The following NEMF variants were observed in gnomAD, a reference collection of about 807,000 sequenced individuals.
The protein encoded by NEMF is ribosome quality control complex subunit NEMF.
A neutral mutation model predicts 162.2 loss-of-function variants in NEMF; 89 were observed. The ratio of observed to expected loss-of-function variants is 0.55; its 90% CI spans 0.46 to 0.65. The LOEUF is 0.65. NEMF is among the 30% of genes least tolerant of loss of function. The pLI is 0.00. For synonymous variants in NEMF, 421 were observed against 404.5 expected (o/e 1.04, Z -0.49); for missense variants, 1,133 against 1,261.9 (o/e 0.90, Z 1.55).
At chr14:49,791,433 T>C (rs1890443029) in intron 26 of NEMF, among the ~76,000 whole-genome samples, 1 of 151,292 alleles carries the variant, frequency 6.6e-6, no homozygotes, top group African/African-American at 2.4e-5. Context: ...TTCACAGATG[T>C]GTGTGCTTAT....
chr14:49,791,495 T>A (rs1890446112), intron 26 of NEMF, among the ~76,000 whole-genome samples: 1 of 151,696 alleles, frequency 6.6e-6, no homozygotes, highest in African/African-American at 2.4e-5. Flanking sequence ...TCCCAGCACT[T>A]TGGGAGGCCG....
At chr14:49,846,388 TATAGTC>T (rs1419279686) in intron 3 of NEMF, 123 bp from the exon 4 acceptor site, 9 of 855,804 alleles carry the variant, frequency 1.1e-5, no homozygotes, top group African/African-American at 8.5e-5. Context: ...TGAATAACAG[TATAGTC>T]ATAAAGTAAT....
chr14:49,851,828 G>C lies in NEMF; in HGVS notation c.107C>G (p.Thr36Arg). Residue 36 changes from threonine (T) to arginine (R), a missense_variant, in exon 2 of 33, where the codon ACA becomes AGA. Thr to Arg is a moderately conservative substitution (Grantham distance 71, BLOSUM62 -1). Transcript: ENST00000298310. ...TTACTTTTGAAGACGAATAAGGTAT[G>C]TCTTATTATCCACATCATAAACATT... ...VNNVYDVDNK[T>R]YLIRLQKPDF... The C allele has an allele frequency of 6.3e-7, 1 of 1,577,946 alleles. No homozygotes were observed.
chr14:49,831,458 GACAGAGTCTC>G, intron 10 of NEMF, 97 bp from the exon 11 acceptor site: 1 of 776,706 alleles, frequency 1.3e-6, no homozygotes, highest in Non-Finnish European at 2.1e-6. Flanking sequence ...TTTTTTTTGA[GACAGAGTCTC>G]ACTCTGTTGC....
At chr14:49,843,618 C>G (rs1299181617) in intron 4 of NEMF, among the ~76,000 whole-genome samples, 1 of 152,224 alleles carries the variant, frequency 6.6e-6, no homozygotes, top group Non-Finnish European at 1.5e-5. Flanking sequence ...ATAGAGTATA[C>G]TTACACAAAC....
intron 22 of NEMF, 37 bp downstream of exon 22, chr14:49,802,416 A>C (rs568197091): frequency 1.2e-6 from 2 of 1,603,014 alleles, no homozygotes; most frequent in Non-Finnish European, 1.7e-6. Context: ...GGTAACAAAA[A>C]ACATCACAAG....
chr14:49,833,976 C>T (rs1892769292), intron 7 of NEMF: 1 of 296,164 alleles, frequency 3.4e-6, no homozygotes, highest in South Asian at 3.5e-5. Flanking sequence ...AAAAACAAAA[C>T]ACCACCACCA....
At chr14:49,840,519 G>T (rs1333177186) in intron 5 of NEMF, among the ~76,000 whole-genome samples, 199 bp downstream of exon 5, 2 of 150,658 alleles carry the variant, frequency 1.3e-5, no homozygotes, top group Non-Finnish European at 2.9e-5. Flanking sequence ...AGACTTAATT[G>T]CTTACATGCA....
chr14:49,829,529 T>C, intron 11 of NEMF, 103 bp from the exon 12 acceptor site: 1 of 935,460 alleles, frequency 1.1e-6, no homozygotes, highest in Admixed American at 2.3e-5. Flanking sequence ...ATCTATGCTG[T>C]TATCTAGCTA....
rs370230175 is a variant in NEMF at position 49,799,467 on chromosome 14, G to C, written c.2465+8C>G. 1.6e-5 allele frequency: 25 copies of C among 1,602,368 alleles called. No individual in the cohort carries two copies. In the East Asian group the frequency reaches 5.6e-4, roughly 36 times the overall value. On this transcript the variant is annotated splice_region_variant and intron_variant, in intron 25 of 32. Coordinates refer to ENST00000298310, the MANE Select transcript of NEMF (RefSeq NM_004713.6). Reference sequence around the variant, plus strand: ...TGCTTTTTAGTTAATTAACACAGATGTGTTTACCTTCTTTCCTTGGCTGAC... The same window carrying C: ...TGCTTTTTAGTTAATTAACACAGATCTGTTTACCTTCTTTCCTTGGCTGAC...
At position 49,782,620 on chromosome 14, in the gene NEMF, AGATT is replaced by A. The variant is rs1566639355; in HGVS notation, c.*2012_*2015del. ...GTAAGTAACTTTGTACTTGGCACTT[AGATT>A]ATTTAAAATTGTGTTTCCTAAGACT... On this transcript the variant is annotated 3_prime_UTR_variant, in exon 33 of 33. Transcript: ENST00000298310. The A allele has an allele frequency of 1.9e-6, 3 of 1,560,326 alleles. No homozygotes were observed. The Admixed American group carries it at 5.5e-5, about 28-fold the overall frequency.
At chr14:49,849,802 A>C (rs1893683545) in intron 3 of NEMF, 1 of 152,228 alleles carries the variant, frequency 6.6e-6, no homozygotes, top group Non-Finnish European at 1.5e-5. Context: ...GCTACACAAC[A>C]GGTAGCATTA....
intron 24 of NEMF, 47 bp downstream of exon 24, chr14:49,799,589 T>C (rs750926578): frequency 3.8e-5 from 61 of 1,595,842 alleles, no homozygotes; most frequent in Non-Finnish European, 5.2e-5. Flanking sequence ...AGTAGAAAAT[T>C]ATTCACTGAG....
chr14:49,832,333 C>A, intron 8 of NEMF, 56 bp from the exon 9 acceptor site: 3 of 814,306 alleles, frequency 3.7e-6, no homozygotes, highest in African/African-American at 1.8e-5. Context: ...AGATTTACTT[C>A]TTTTTTTTTT....
At chr14:49,845,760 G>A (rs918577557) in intron 4 of NEMF, among the ~76,000 whole-genome samples, 1 of 152,196 alleles carries the variant, frequency 6.6e-6, no homozygotes, top group African/African-American at 2.4e-5. Context: ...CAATGTTACA[G>A]GACCAACGTT....
chr14:49,802,786 T>TA, intron 20 of NEMF, 59 bp from the exon 21 acceptor site: 1 of 1,337,878 alleles, frequency 7.5e-7, no homozygotes, highest in Non-Finnish European at 1.0e-6. Flanking sequence ...TTTTTGCTTG[T>TA]AAAACAAAAA....
intron 26 of NEMF, among the ~76,000 whole-genome samples, chr14:49,794,780 G>A (rs1350421609): frequency 4.7e-5 from 7 of 149,180 alleles, no homozygotes; most frequent in Non-Finnish European, 8.9e-5. Context: ...GTGCAGTGGC[G>A]TGATCTTGGC....
At chr14:49,832,914 T>C (rs17252037) in intron 8 of NEMF, among the ~76,000 whole-genome samples, 24,836 of 152,162 alleles carry the variant, frequency 0.16, 2,345 homozygotes, top group Non-Finnish European at 0.21. Context: ...CCTGACATTG[T>C]ACTTTCTATA....
chr14:49,785,577 C>A, intron 29 of NEMF: 1 of 380,682 alleles, frequency 2.6e-6, no homozygotes, highest in Non-Finnish European at 4.9e-6. Flanking sequence ...ATCCTACCTA[C>A]AGTTACATTT....
Sources: allele counts gnomAD v4.1 joint callset (sites outside exome capture counted in the v4.1 genomes callset), GRCh38; gene constraint gnomAD v4.1.1; transcripts MANE v1.5; gene names NCBI Gene and HGNC (gene_info 2026-07-23, HGNC 2026-07-21).